COL5A1: variants seen among roughly 807,000 people sequenced by gnomAD.
The protein encoded by COL5A1 is collagen type V alpha 1 chain.
COL5A1 carries 16 observed loss-of-function variants against 263.7 expected under a neutral mutation model. That is an observed-to-expected ratio of 0.06 (90% CI 0.04 to 0.09). The LOEUF is 0.09. Ranked by LOEUF, COL5A1 falls within the 10% of genes least tolerant of loss-of-function variation. The probability of loss-of-function intolerance (pLI) is 1.00; values close to 1 mark genes in which losing one functional copy is unlikely to be tolerated. For missense variants in COL5A1, 2,036 were observed against 2,540.5 expected (o/e 0.80, Z 4.27); for synonymous variants, 1,012 against 1,004.5 (o/e 1.01, Z -0.14).
rs114385915 is a variant in COL5A1 at position 134,774,447 on chromosome 9, T to C, written c.2332-412T>C. On this transcript the variant is annotated intron_variant, in intron 26 of 65. Coordinates refer to ENST00000371817, the MANE Select transcript of COL5A1 (RefSeq NM_000093.5). ...TGCTGGAGGATGTCTCTTCCCTGTC[T>C]AGCAGCCTTGTCCCTTCTCCCAGCC... Among the ~76,000 whole-genome samples the C allele has an allele frequency of 1.2e-3, 187 of 152,322 alleles. 1 individual carries two copies. Among genetic ancestry groups the C allele is most frequent in the African/African-American group, 4.3e-3 (179 of 41,590 alleles).
intron 1 of COL5A1, among the ~76,000 whole-genome samples, chr9:134,663,672 G>T (rs1832274991): frequency 6.6e-6 from 1 of 152,226 alleles, no homozygotes. Context: ...AGAGAAGAAA[G>T]TACAGAGGGA....
At chr9:134,669,298 T>TCCCCTCCCCC (rs1832466359) in intron 1 of COL5A1, among the ~76,000 whole-genome samples, 1 of 85,178 alleles carries the variant, frequency 1.2e-5, no homozygotes, top group African/African-American at 4.9e-5. Context: ...TTCCCTCCCC[T>TCCCCTCCCCC]CCCCTCCCCT....
At chr9:134,702,666 A>G (rs894809931) in intron 4 of COL5A1, among the ~76,000 whole-genome samples, 7 of 152,222 alleles carry the variant, frequency 4.6e-5, no homozygotes, top group Non-Finnish European at 8.8e-5. Context: ...GAAGAGGGCA[A>G]TTCTGAAAGT....
chr9:134,779,127 C>T (rs1454702402), intron 27 of COL5A1, among the ~76,000 whole-genome samples: 1 of 152,266 alleles, frequency 6.6e-6, no homozygotes, highest in Non-Finnish European at 1.5e-5. Flanking sequence ...CCGGCTTCAG[C>T]CTCAGCCTGG....
chr9:134,787,208 G>T (rs55784675), intron 31 of COL5A1, among the ~76,000 whole-genome samples: 12,208 of 152,224 alleles, frequency 0.08, 736 homozygotes, highest in African/African-American at 0.16. Context: ...AAAGATGGGT[G>T]GTCTAAATCA....
rs956991050 is a variant in COL5A1 at position 134,647,769 on chromosome 9, C to A, written c.109+5473C>A. On this transcript the variant is annotated intron_variant, in intron 1 of 65. Coordinates refer to ENST00000371817, the MANE Select transcript of COL5A1 (RefSeq NM_000093.5). This position sits in a 1 kb window ranked among gnomAD's most constrained non-coding sequence, Gnocchi z 5.0. Reference sequence around the variant, plus strand: ...GAGGGCGATGTTACATTATGGCTCCCGCTTCTCCTCTATTTACATTCTCCC... The same window carrying A: ...GAGGGCGATGTTACATTATGGCTCCAGCTTCTCCTCTATTTACATTCTCCC... Among the ~76,000 whole-genome samples, 1 of 152,182 alleles carries A rather than the reference C, an allele frequency of 6.6e-6. No homozygotes were observed. Among genetic ancestry groups the A allele is most frequent in the African/African-American group, 2.4e-5 (1 of 41,448 alleles).
intron 11 of COL5A1, among the ~76,000 whole-genome samples, chr9:134,747,586 TACAC>T (rs201765238): frequency 0.032 from 4,810 of 151,898 alleles, 111 homozygotes; most frequent in Middle Eastern, 0.048. Context: ...CATGCATTCA[TACAC>T]ACATGCATTC....
chr9:134,701,115 T>C lies in COL5A1; in HGVS notation c.492-56T>C, dbSNP rs4341231. On this transcript the variant is annotated intron_variant, in intron 3 of 65. Coordinates refer to ENST00000371817, the MANE Select transcript of COL5A1 (RefSeq NM_000093.5). The stretch of plus-strand genomic sequence containing the variant: ...TGTCTCGAGGAATTTGCAGCAAAAT[T>C]GCTTGAGCTGGCATCTGTGATCCAA... 0.55 allele frequency: 877,110 copies of C among 1,587,774 alleles called. 246,070 individuals carry two copies. The highest frequency in any genetic ancestry group is 0.71 in the African/African-American group (52,799 of 74,530).
chr9:134,814,655 C>T (rs1167246601), intron 49 of COL5A1, 142 bp from the exon 50 acceptor site: 1 of 705,054 alleles, frequency 1.4e-6, no homozygotes, highest in Non-Finnish European at 2.5e-6. Context: ...TGGGGAGCGA[C>T]CTGGCAGCCA....
At chr9:134,840,835 G>T (rs559020797) in intron 65 of COL5A1, among the ~76,000 whole-genome samples, 6 of 152,154 alleles carry the variant, frequency 3.9e-5, no homozygotes, top group Non-Finnish European at 8.8e-5. Flanking sequence ...ACCACTCATG[G>T]GGTTCCACCC....
chr9:134,689,852 C>G (rs986113656), intron 1 of COL5A1, among the ~76,000 whole-genome samples: 1 of 152,022 alleles, frequency 6.6e-6, no homozygotes, highest in Non-Finnish European at 1.5e-5. Context: ...ACCATTCTGT[C>G]GCTGTGATGC....
In COL5A1 at chr9:134,647,877, C is replaced by G. The variant is rs558744028; in HGVS notation, c.109+5581C>G. Among the ~76,000 whole-genome samples, 3 of 152,318 alleles carry G rather than the reference C, an allele frequency of 2.0e-5. No homozygotes were observed. The highest frequency in any genetic ancestry group is 7.2e-5 in the African/African-American group (3 of 41,552). Reference sequence around the variant, plus strand: ...TCTGGCCTGGCTGGTGGATGTGCCTCGATCCTGCAGGCGGAGCCCACAGCG... The same window carrying G: ...TCTGGCCTGGCTGGTGGATGTGCCTGGATCCTGCAGGCGGAGCCCACAGCG... On this transcript the variant is annotated intron_variant, in intron 1 of 65. Transcript: ENST00000371817. The surrounding 1 kb of genome is among the most constrained non-coding windows in gnomAD (Gnocchi z 5.0).
At chr9:134,837,864 C>T (rs975799443) in intron 65 of COL5A1, among the ~76,000 whole-genome samples, 5 of 152,192 alleles carry the variant, frequency 3.3e-5, no homozygotes, top group East Asian at 1.9e-4. Flanking sequence ...CAGAGAGTTA[C>T]GGCGACTCGC....
chr9:134,752,431 GC>G (rs1441145704), intron 13 of COL5A1, among the ~76,000 whole-genome samples, 157 bp from the exon 14 acceptor site: 5 of 137,812 alleles, frequency 3.6e-5, no homozygotes, highest in Non-Finnish European at 7.9e-5. Context: ...GGGGGGGGGG[GC>G]CCTTGGGGAG....
At chr9:134,722,495 G>A (rs1166490364) in intron 4 of COL5A1, among the ~76,000 whole-genome samples, 2 of 152,282 alleles carry the variant, frequency 1.3e-5, no homozygotes, top group East Asian at 1.9e-4. Flanking sequence ...GGGTTGTGCC[G>A]GACACGCCCA....
rs1305011046 is a variant in COL5A1 at position 134,652,347 on chromosome 9, T to C, written c.109+10051T>C. On this transcript the variant is annotated intron_variant, in intron 1 of 65. Coordinates refer to ENST00000371817, the MANE Select transcript of COL5A1 (RefSeq NM_000093.5). This position sits in a 1 kb window ranked among gnomAD's most constrained non-coding sequence, Gnocchi z 4.4. ...AGGCAGACCCAGTGTAACACGGCTCTGCTGGGTGGGGCAAGGAGATGCCCC... is the reference window on the plus strand; with the variant it reads ...AGGCAGACCCAGTGTAACACGGCTCCGCTGGGTGGGGCAAGGAGATGCCCC... 7.7e-6 allele frequency among the ~76,000 whole-genome samples: 1 copy of C among 130,312 alleles called. No homozygotes were observed. The highest frequency in any genetic ancestry group is 1.6e-5 in the Non-Finnish European group (1 of 62,978). The allele number at this position is 130,312 out of a possible 152,430, so 85.5% of individuals were successfully genotyped here. A position where few individuals can be genotyped will look rare whatever the true frequency, so the allele number is the denominator to read the frequency against.
intron 31 of COL5A1, among the ~76,000 whole-genome samples, chr9:134,786,885 A>T (rs1203873461): frequency 6.6e-6 from 1 of 152,180 alleles, no homozygotes; most frequent in African/African-American, 2.4e-5. Context: ...TCTTGTTAAC[A>T]GGAGGACGGG....
rs1838879968 is a variant in COL5A1 at position 134,818,910 on chromosome 9, C to T, written c.4392+9C>T. 1.9e-6 allele frequency: 3 copies of T among 1,612,892 alleles called. No individual in the cohort carries two copies. The African/African-American group carries it at 4.0e-5, about 22-fold the overall frequency. Reference sequence around the variant, plus strand: ...GTCCCCCCGGCCCCATGGTGAGTCACATTCCTCATGGTGAGCATAGCGGGT... The same window carrying T: ...GTCCCCCCGGCCCCATGGTGAGTCATATTCCTCATGGTGAGCATAGCGGGT... On this transcript the variant is annotated intron_variant, in intron 56 of 65. Coordinates refer to ENST00000371817, the MANE Select transcript of COL5A1 (RefSeq NM_000093.5). This position sits in a 1 kb window ranked among gnomAD's most constrained non-coding sequence, Gnocchi z 6.0.
intron 1 of COL5A1, among the ~76,000 whole-genome samples, chr9:134,689,870 G>A (rs1339139493): frequency 6.6e-6 from 1 of 152,142 alleles, no homozygotes; most frequent in Non-Finnish European, 1.5e-5. Context: ...TGCCAACTTC[G>A]AGTTTATTTT....
Sources: allele counts gnomAD v4.1 joint callset (sites outside exome capture counted in the v4.1 genomes callset), GRCh38; gene constraint gnomAD v4.1.1; non-coding constraint Gnocchi (gnomAD v3.1); transcripts MANE v1.5; gene names NCBI Gene and HGNC (gene_info 2026-07-23, HGNC 2026-07-21).